The following FREM3 variants were observed in gnomAD, a reference collection of about 807,000 sequenced individuals.
The protein encoded by FREM3 is FRAS1 related extracellular matrix 3.
Under a neutral mutation model 129.1 loss-of-function variants are expected in FREM3, and 105 were observed. The ratio of observed to expected loss-of-function variants is 0.81; its 90% confidence interval spans 0.69 to 0.96. The LOEUF (loss-of-function observed/expected upper bound fraction) is 0.96, where lower values mean the gene tolerates loss of function less well. Among genes scored for constraint, FREM3 ranks in the 40% least tolerant of loss-of-function variants. The probability of loss-of-function intolerance (pLI) is 0.00; values close to 1 mark genes in which losing one functional copy is unlikely to be tolerated. For synonymous variants in FREM3, 1,014 were observed against 1,044.9 expected, an observed-to-expected ratio of 0.97 and a Z score of 0.57; for missense variants, 2,593 against 2,666.3, an observed-to-expected ratio of 0.97 and a Z score of 0.61.
intron 2 of FREM3, among the ~76,000 whole-genome samples, chr4:143,633,741 T>A (rs1739182301): frequency 6.6e-6 from 1 of 152,144 alleles, no homozygotes; most frequent in Non-Finnish European, 1.5e-5. Context: ...ATCAATTACA[T>A]ACAGAGAACT....
At chr4:143,677,171 C>T (rs559937663) in intron 2 of FREM3, among the ~76,000 whole-genome samples, 1 of 152,332 alleles carries the variant, frequency 6.6e-6, no homozygotes, top group African/African-American at 2.4e-5. Flanking sequence ...GCCAAAACAG[C>T]ATGGTACTGG....
chr4:143,696,008 A>C lies in FREM3; in HGVS notation c.4668T>G (p.Thr1556=). 1 of 1,537,848 alleles carries C rather than the reference A, an allele frequency of 6.5e-7. No individual in the cohort carries two copies. Among genetic ancestry groups the C allele is most frequent in the South Asian group, 1.2e-5 (1 of 84,058 alleles). The change falls in exon 1 of 8, where the codon ACT becomes ACG. Residue 1556 remains threonine, a synonymous_variant. Coordinates refer to ENST00000329798, the MANE Select transcript of FREM3 (RefSeq NM_001168235.2). ...TLQKEDSQLI[T]LLELTVEDSD... ...TGTCTTCCACTGTCAACTCAAGGAG[A>C]GTGATCAGTTGGCTATCCTCTTTCT...
In FREM3 at chr4:143,585,262, T is replaced by A. The variant is rs1254868448; in HGVS notation, c.6178+582A>T. ...ATGTGGGCATCAATGTACATGGAAA[T>A]GTCCTTTTCTTTTCCTATTGGGTCC... On this transcript the variant is annotated intron_variant, in intron 7 of 7. Transcript: ENST00000329798. This position sits in a 1 kb window ranked among gnomAD's most constrained non-coding sequence, Gnocchi z 4.2. Among the ~76,000 whole-genome samples, 1 of 152,208 alleles carries A rather than the reference T, an allele frequency of 6.6e-6. No homozygotes were observed. The highest frequency in any genetic ancestry group is 1.5e-5 in the Non-Finnish European group (1 of 68,034).
intron 5 of FREM3, among the ~76,000 whole-genome samples, chr4:143,612,172 GACC>G (rs1256778147): frequency 6.6e-6 from 1 of 152,160 alleles, no homozygotes; most frequent in African/African-American, 2.4e-5. Flanking sequence ...ATAATCATGT[GACC>G]ACCACCACAA....
rs893276930 is a variant in FREM3, at chr4:143,698,587, G to C, written c.2089C>G (p.Pro697Ala). 6.5e-7 allele frequency: 1 copy of C among 1,537,726 alleles called. No homozygotes were observed. Residue 697 changes from proline (P) to alanine (A), a missense_variant, in exon 1 of 8, where the codon CCA (proline) becomes GCA (alanine). Physicochemically the swap from Pro to Ala is conservative, Grantham distance 27. Coordinates refer to ENST00000329798, the MANE Select transcript of FREM3 (RefSeq NM_001168235.2). ...KQHIFTIKVQ[P>A]VDILSPQLYP... The stretch of plus-strand genomic sequence containing the variant: ...AGCTGTGGACTCAGTATATCCACTG[G>C]TTGGACCTTGATGGTGAAAATGTGC...
At chr4:143,619,835 C>T (rs947785521) in intron 5 of FREM3, among the ~76,000 whole-genome samples, 1 of 151,890 alleles carries the variant, frequency 6.6e-6, no homozygotes, top group African/African-American at 2.4e-5. Context: ...ATGATTAGTG[C>T]ACCATCAGTG....
intron 5 of FREM3, among the ~76,000 whole-genome samples, chr4:143,620,081 A>G (rs1738919732): frequency 6.6e-6 from 1 of 152,182 alleles, no homozygotes. Flanking sequence ...CTCTGTAGCA[A>G]TCAGCAATCA....
chr4:143,687,671 A>T (rs183239982), intron 2 of FREM3, among the ~76,000 whole-genome samples: 77 of 152,336 alleles, frequency 5.1e-4, no homozygotes, highest in African/African-American at 1.8e-3. Context: ...ACCATGATCA[A>T]GTGGGTTTCA....
intron 2 of FREM3, among the ~76,000 whole-genome samples, chr4:143,635,568 G>A (rs145674789): frequency 1.3e-5 from 2 of 152,094 alleles, no homozygotes; most frequent in Non-Finnish European, 2.9e-5. Flanking sequence ...AACTATCTTC[G>A]GACATTGCCA....
intron 6 of FREM3, among the ~76,000 whole-genome samples, chr4:143,588,223 TCTAACATG>T (rs1738277801): frequency 3.3e-5 from 5 of 152,140 alleles, no homozygotes; most frequent in Admixed American, 3.3e-4. Flanking sequence ...AATTTACCAT[TCTAACATG>T]CTATCCTGTG....
Position 143,624,242 on chromosome 4 carries a change from G to A in FREM3, c.5519C>T (p.Thr1840Ile). The A allele has an allele frequency of 6.5e-7, 1 of 1,536,420 alleles. No individual in the cohort carries two copies. Among genetic ancestry groups the A allele is most frequent in the Non-Finnish European group, 8.7e-7 (1 of 1,146,160 alleles). The change falls in exon 4 of 8, where the codon ACA (threonine) becomes ATA (isoleucine). Residue 1840 changes from threonine to isoleucine, a missense_variant. By Grantham distance (89) the Thr-to-Ile change is moderately conservative. This residue lies in a region of FREM3 where 317 missense variants were observed against 399.0 expected (regional missense o/e 0.79). Coordinates refer to ENST00000329798, the MANE Select transcript of FREM3 (RefSeq NM_001168235.2). ...IQFNPGQTTA[T>I]WRVRIIPDNE... ...GTCAGGTATAATTCTCACCCTCCAT[G>A]TGGCTGTAGTCTGTCCAGGATTGAA...
Position 143,696,216 on chromosome 4 carries a change from G to A in FREM3, c.4460C>T (p.Thr1487Ile), listed in dbSNP as rs892643901. The change falls in exon 1 of 8, where the codon ACT becomes ATT. Residue 1487 changes from threonine to isoleucine, a missense_variant. By Grantham distance (89) the Thr-to-Ile change is moderately conservative. Transcript: ENST00000329798. ...DYAGEPIASF[T>I]QLQLASNKIS... ...TTTGTTGCTAGCCAATTGAAGTTGAGTGAAAGAGGCAATGGGTTCCCCAGC... is the reference window on the plus strand; with the variant it reads ...TTTGTTGCTAGCCAATTGAAGTTGAATGAAAGAGGCAATGGGTTCCCCAGC... 7.2e-6 allele frequency: 11 copies of A among 1,537,722 alleles called. No homozygotes were observed. The East Asian group carries it at 1.7e-4, about 24-fold the overall frequency.
At chr4:143,635,170 A>G (rs1316181882) in intron 2 of FREM3, among the ~76,000 whole-genome samples, 4 of 152,188 alleles carry the variant, frequency 2.6e-5, no homozygotes, top group Non-Finnish European at 5.9e-5. Context: ...CTTTGGGGAC[A>G]GTTTCATTTG....
In FREM3 at chr4:143,611,301, A is replaced by AGTC; in HGVS notation, c.6003_6005dup (p.Thr2002dup). On this transcript the variant is annotated inframe_insertion, in exon 6 of 8. Transcript: ENST00000329798. ...TACCATCATAACGATCAGCCAGAAT[A>AGTC]GTCACCTTAGTGGTGGGGAATCTGG... is the stretch of plus-strand genomic sequence containing the variant. The AGTC allele has an allele frequency of 6.5e-7, 1 of 1,537,006 alleles. No individual in the cohort carries two copies. The highest frequency in any genetic ancestry group is 8.7e-7 in the Non-Finnish European group (1 of 1,146,764).
chr4:143,640,014 G>A (rs1739296762), intron 2 of FREM3, among the ~76,000 whole-genome samples: 1 of 152,172 alleles, frequency 6.6e-6, no homozygotes, highest in African/African-American at 2.4e-5. Flanking sequence ...ACACAGGCCA[G>A]CGATACCAAG....
intron 2 of FREM3, among the ~76,000 whole-genome samples, chr4:143,651,844 T>G (rs2149849029): frequency 6.6e-6 from 1 of 152,356 alleles, no homozygotes; most frequent in South Asian, 2.1e-4. Context: ...GTCACTTTCA[T>G]ATAAAATAAT....
At chr4:143,642,660 T>G (rs759147856) in intron 2 of FREM3, among the ~76,000 whole-genome samples, 4 of 152,174 alleles carry the variant, frequency 2.6e-5, no homozygotes, top group Non-Finnish European at 2.9e-5. Context: ...GAATTAAGTG[T>G]AAAACTCACA....
At chr4:143,657,039 C>T (rs1053577033) in intron 2 of FREM3, among the ~76,000 whole-genome samples, 16 of 151,664 alleles carry the variant, frequency 1.1e-4, no homozygotes, top group Non-Finnish European at 2.4e-4. Context: ...AGAAAAAAAT[C>T]CAAAGCATTG....
chr4:143,632,046 T>A (rs1739149515), intron 2 of FREM3, among the ~76,000 whole-genome samples: 1 of 152,180 alleles, frequency 6.6e-6, no homozygotes, highest in Admixed American at 6.5e-5. Flanking sequence ...TCCAGAATTC[T>A]CTTGTAGATC....
Sources: gnomAD v4.1 joint callset for allele counts (sites outside exome capture counted in the v4.1 genomes callset) on GRCh38, gnomAD v4.1.1 for gene constraint, gnomAD v4.1.1 regional missense constraint, Gnocchi (gnomAD v3.1) non-coding constraint, MANE v1.5 for transcripts, NCBI Gene and HGNC (gene_info 2026-07-23, HGNC 2026-07-21) for gene names.